The following NCOR2 variants were observed in gnomAD, a reference collection of about 807,000 sequenced individuals.
NCOR2 encodes the protein CTG repeat protein 26.
NCOR2 carries 81 observed loss-of-function variants against 262.9 expected under a neutral mutation model. The ratio of observed to expected loss-of-function variants is 0.31; its 90% CI spans 0.26 to 0.37. NCOR2 has a LOEUF of 0.37. NCOR2 is among the 10% of genes least tolerant of loss of function. The pLI is 1.00. For missense variants in NCOR2, 3,385 were observed against 3,621.4 expected (o/e 0.93, Z 1.68); for synonymous variants, 1,659 against 1,559.3 (o/e 1.06, Z -1.51).
At chr12:124,366,033 T>C (rs1408930031) in intron 20 of NCOR2, among the ~76,000 whole-genome samples, 1 of 152,040 alleles carries the variant, frequency 6.6e-6, no homozygotes, top group Admixed American at 6.5e-5. Context: ...TGCAGCCACT[T>C]TGGAAAGCAG....
intron 7 of NCOR2, among the ~76,000 whole-genome samples, chr12:124,447,223 T>C (rs1593584044): frequency 6.6e-6 from 1 of 152,256 alleles, no homozygotes; most frequent in South Asian, 2.1e-4. Flanking sequence ...CACATCTAGT[T>C]GTTTTAAATA....
intron 13 of NCOR2, among the ~76,000 whole-genome samples, chr12:124,416,094 G>A (rs534267769): frequency 6.6e-6 from 1 of 152,064 alleles, no homozygotes; most frequent in Non-Finnish European, 1.5e-5. Context: ...ATGGCCAAGC[G>A]TCCACTGGAG....
intron 7 of NCOR2, among the ~76,000 whole-genome samples, chr12:124,439,028 G>A (rs2044612594): frequency 6.9e-6 from 1 of 144,330 alleles, no homozygotes; most frequent in Non-Finnish European, 1.5e-5. Flanking sequence ...CAGAGACCCA[G>A]AGAGAGAGAG....
upstream of NCOR2, among the ~76,000 whole-genome samples, chr12:124,536,614 C>T (rs2051122072): frequency 6.6e-6 from 1 of 152,206 alleles, no homozygotes; most frequent in Non-Finnish European, 1.5e-5. Context: ...CGAAAGACCA[C>T]TGCTCACCCA....
At chr12:124,336,678 G>A (rs754460166) in intron 38 of NCOR2, 75 bp downstream of exon 40, 58 of 1,553,460 alleles carry the variant, frequency 3.7e-5, no homozygotes, top group Middle Eastern at 2.2e-4. Context: ...CCTCCTTCTC[G>A]CGCCCCTTTA....
At chr12:124,347,624 T>G in intron 30 of NCOR2, 1 of 592,130 alleles carries the variant, frequency 1.7e-6, no homozygotes, top group African/African-American at 1.9e-5. Flanking sequence ...GGTGGTATTT[T>G]GCTTTTTGTT....
intron 41 of NCOR2, among the ~76,000 whole-genome samples, chr12:124,333,945 G>C (rs12829201): frequency 7.0e-6 from 1 of 142,366 alleles, no homozygotes; most frequent in Non-Finnish European, 1.5e-5. Flanking sequence ...CATGTGTGTG[G>C]GTGTGCACGT....
chr12:124,346,184 T>G (rs970574027), intron 31 of NCOR2, among the ~76,000 whole-genome samples: 1 of 152,142 alleles, frequency 6.6e-6, no homozygotes, highest in Non-Finnish European at 1.5e-5. Context: ...CTCAGAGCAT[T>G]GCTAGGGGGT....
chr12:124,433,887 C>CAA lies in NCOR2; in HGVS notation c.883-3101_883-3100insTT, dbSNP rs1231864958. On this transcript the variant is annotated intron_variant, in intron 8 of 46. Transcript: ENST00000405201. ...ACACACACACACACACACACACACA[C>CAA]ACACACACACACGCACACACACACA... Among the ~76,000 whole-genome samples, 256 of 117,250 alleles carry CAA rather than the reference C, an allele frequency of 2.2e-3. 8 individuals carry two copies. The highest frequency in any genetic ancestry group is 0.017 in the Middle Eastern group (4 of 234). The allele number at this position is 117,250 out of a possible 152,430, so 76.9% of individuals were successfully genotyped here.
chr12:124,473,835 A>C (rs1224802429), intron 3 of NCOR2, among the ~76,000 whole-genome samples: 4 of 151,968 alleles, frequency 2.6e-5, no homozygotes, highest in African/African-American at 9.7e-5. Context: ...CCCCCTCCCC[A>C]ATACACCCCG....
chr12:124,508,187 C>T (rs1418142182), intron 1 of NCOR2, among the ~76,000 whole-genome samples: 2 of 152,262 alleles, frequency 1.3e-5, no homozygotes, highest in African/African-American at 4.8e-5. Context: ...GAGGACCCCA[C>T]TGCCGCCTGG....
chr12:124,384,232 C>T (rs867429), intron 17 of NCOR2, among the ~76,000 whole-genome samples: 78,053 of 152,142 alleles, frequency 0.51, 22,038 homozygotes, highest in East Asian at 0.78. Context: ...CTTCTGCGCC[C>T]CCAGGCTGCT....
intron 1 of NCOR2, among the ~76,000 whole-genome samples, chr12:124,518,803 C>T (rs920445987): frequency 8.5e-5 from 13 of 152,200 alleles, no homozygotes; most frequent in South Asian, 4.1e-4. Flanking sequence ...CACTTTAACC[C>T]GCTTCCTCCC....
In NCOR2 at chr12:124,531,340, C is replaced by T. The variant is rs909434057; in HGVS notation, c.-118+4225G>A. ...CCCCTCTGAGTGATGGCAGGGCAGG[C>T]GCCTGGAGCCAACGGCAGGAGGGGC... On this transcript the variant is annotated intron_variant, in intron 1 of 46. Coordinates refer to the NCOR2 transcript ENST00000404621. The surrounding 1 kb of genome is among the most constrained non-coding windows in gnomAD (Gnocchi z 4.5). 3.9e-5 allele frequency among the ~76,000 whole-genome samples: 6 copies of T among 152,180 alleles called. No homozygotes were observed. Among genetic ancestry groups the T allele is most frequent in the Admixed American group, 2.0e-4 (3 of 15,288 alleles).
At chr12:124,425,804 A>AT (rs771263565) in intron 11 of NCOR2, among the ~76,000 whole-genome samples, 3 of 151,874 alleles carry the variant, frequency 2.0e-5, no homozygotes, top group Non-Finnish European at 2.9e-5. Context: ...CCCTGCCTCC[A>AT]TTGTGTGCAT....
intron 27 of NCOR2, among the ~76,000 whole-genome samples, chr12:124,352,761 A>C (rs888618956): frequency 2.0e-5 from 3 of 152,224 alleles, no homozygotes; most frequent in Non-Finnish European, 4.4e-5. Context: ...CTCTTGGGAG[A>C]ATACACTGGA....
chr12:124,342,422 T>G (rs1295403698), intron 33 of NCOR2, among the ~76,000 whole-genome samples: 5 of 152,300 alleles, frequency 3.3e-5, no homozygotes, highest in Admixed American at 1.3e-4. Flanking sequence ...CAGGCTGGAG[T>G]GCAGTGGCGC....
chr12:124,506,594 G>C lies in NCOR2; in HGVS notation c.-117-11226C>G, dbSNP rs71458848. ...TGGCTCCACCCGAGAAGCCCTGCAC[G>C]GGGAGCGGCCCTCCCCACTTGCGTA... On this transcript the variant is annotated intron_variant, in intron 1 of 46. Coordinates refer to the NCOR2 transcript ENST00000404621. Among the ~76,000 whole-genome samples, 1,253 of 150,472 alleles carry C rather than the reference G, an allele frequency of 8.3e-3. 9 individuals are homozygous for C. Among genetic ancestry groups the C allele is most frequent in the Non-Finnish European group, 0.011 (768 of 67,614 alleles).
chr12:124,371,957 T>C, intron 20 of NCOR2, 65 bp downstream of exon 22: 1 of 1,467,032 alleles, frequency 6.8e-7, no homozygotes, highest in South Asian at 1.3e-5. Context: ...GCTGTCTAAG[T>C]AGGTAGTCGC....
Sources: gnomAD v4.1 joint callset for allele counts (sites outside exome capture counted in the v4.1 genomes callset) on GRCh38, gnomAD v4.1.1 for gene constraint, Gnocchi (gnomAD v3.1) non-coding constraint, MANE v1.5 for transcripts, NCBI Gene and HGNC (gene_info 2026-07-23, HGNC 2026-07-21) for gene names.